Variants in CPEB3 observed in about 807,000 individuals in gnomAD.
The protein encoded by CPEB3 is cytoplasmic polyadenylation element-binding protein 3.
CPEB3 carries 20 observed loss-of-function variants against 67.2 expected under a neutral mutation model. That is an observed-to-expected ratio of 0.30 (90% CI 0.21 to 0.43). The LOEUF is 0.43. Ranked by LOEUF, CPEB3 falls within the 20% of genes least tolerant of loss-of-function variation. The probability of loss-of-function intolerance (pLI) is 1.00; values close to 1 mark genes in which losing one functional copy is unlikely to be tolerated. For missense variants in CPEB3, 746 were observed against 968.6 expected (o/e 0.77, Z 3.05); for synonymous variants, 376 against 393.1 (o/e 0.96, Z 0.51).
chr10:92,059,952 CAAA>C (rs557616121), intron 9 of CPEB3, among the ~76,000 whole-genome samples: 2 of 60,806 alleles, frequency 3.3e-5, no homozygotes, highest in African/African-American at 5.0e-5. Context: ...CGAGACTCCT[CAAA>C]AAAAAAAAAA....
rs557210665 is a variant in CPEB3 at position 92,111,861 on chromosome 10, C to A, written c.1454-667G>T. ...TTGTTGACACACAAACACACACACA[C>A]AAAAAGCTTCAAAAAAGTTTTTAAA... On this transcript the variant is annotated intron_variant, in intron 6 of 9. Coordinates refer to ENST00000265997, the MANE Select transcript of CPEB3 (RefSeq NM_014912.5). 4.3e-4 allele frequency among the ~76,000 whole-genome samples: 66 copies of A among 152,224 alleles called. No homozygotes were observed. In the South Asian group the frequency reaches 0.013, roughly 29 times the overall value.
chr10:92,112,252 C>T (rs1055122105), intron 6 of CPEB3, among the ~76,000 whole-genome samples: 3 of 148,878 alleles, frequency 2.0e-5, no homozygotes, highest in Admixed American at 6.9e-5. Flanking sequence ...TCAAGCAGTT[C>T]GTGTGCCTCA....
Position 92,110,623 on chromosome 10 carries a change from C to T in CPEB3, c.1572+453G>A, listed in dbSNP as rs578191304. ...AACTATCCATTTTAGAGTGTAAGCTCCTGACCCAGAAGGCTCTATTTAACT... is the reference window on the plus strand; with the variant it reads ...AACTATCCATTTTAGAGTGTAAGCTTCTGACCCAGAAGGCTCTATTTAACT... On this transcript the variant is annotated intron_variant, in intron 7 of 9. Coordinates refer to ENST00000265997, the MANE Select transcript of CPEB3 (RefSeq NM_014912.5). Among the ~76,000 whole-genome samples, 6 of 152,338 alleles carry T rather than the reference C, an allele frequency of 3.9e-5. No homozygotes were observed. The East Asian group carries it at 9.6e-4, about 24-fold the overall frequency.
chr10:92,181,367 C>CAAAAAAAAAAAAAAA (rs55896574), intron 3 of CPEB3, among the ~76,000 whole-genome samples: 1 of 95,404 alleles, frequency 1.0e-5, no homozygotes, highest in Non-Finnish European at 2.1e-5. Flanking sequence ...ATTCAAGCAG[C>CAAAAAAAAAAAAAAA]AAAAAAAAAA....
At chr10:92,152,318 C>T (rs1444657986) in intron 4 of CPEB3, among the ~76,000 whole-genome samples, 6 of 152,178 alleles carry the variant, frequency 3.9e-5, no homozygotes, top group Admixed American at 6.5e-5. Context: ...CAGCCCTAGG[C>T]GACCACTAAT....
intron 1 of CPEB3, among the ~76,000 whole-genome samples, chr10:92,289,718 C>CAAAAAAAAAAAAAAAAAAAAAAAAAA (rs749285662): frequency 3.2e-5 from 1 of 30,960 alleles, no homozygotes; most frequent in Non-Finnish European, 4.7e-5. Context: ...GCGTCTCTAC[C>CAAAAAAAAAAAAAAAAAAAAAAAAAA]AAAAAAAAAA....
At chr10:92,069,473 G>A (rs1437541541) in intron 9 of CPEB3, among the ~76,000 whole-genome samples, 8 of 151,640 alleles carry the variant, frequency 5.3e-5, no homozygotes, top group Non-Finnish European at 8.8e-5. Flanking sequence ...GTGTGATCTC[G>A]GCTCACTGCA....
intron 2 of CPEB3, among the ~76,000 whole-genome samples, chr10:92,195,044 AAAAC>A (rs369479031): frequency 0.027 from 2,032 of 74,504 alleles, 27 homozygotes; most frequent in Middle Eastern, 0.12. Context: ...ACTGTCTCAA[AAAAC>A]ACACACACAC....
chr10:92,069,112 T>C (rs756835728), intron 9 of CPEB3, among the ~76,000 whole-genome samples: 6 of 152,222 alleles, frequency 3.9e-5, no homozygotes, highest in Admixed American at 2.6e-4. Context: ...AGTCATTGTA[T>C]ATATTCCTGC....
intron 2 of CPEB3, among the ~76,000 whole-genome samples, chr10:92,215,338 G>A (rs886316503): frequency 2.7e-5 from 4 of 150,556 alleles, no homozygotes; most frequent in Non-Finnish European, 4.4e-5. Flanking sequence ...ATTTTTAGTA[G>A]AGATGGGGTT....
intron 2 of CPEB3, among the ~76,000 whole-genome samples, chr10:92,203,441 T>C (rs193269913): frequency 0.011 from 1,506 of 138,402 alleles, 19 homozygotes; most frequent in African/African-American, 0.044. Context: ...TATATGTATA[T>C]GTATATATAT....
chr10:92,097,911 C>T (rs988673647), intron 7 of CPEB3, among the ~76,000 whole-genome samples: 3 of 151,980 alleles, frequency 2.0e-5, no homozygotes, highest in Admixed American at 6.6e-5. Context: ...CCTGTAATCC[C>T]AGCACTTTGG....
intron 2 of CPEB3, among the ~76,000 whole-genome samples, chr10:92,232,319 T>C (rs1055315065): frequency 1.3e-5 from 2 of 151,816 alleles, no homozygotes; most frequent in African/African-American, 4.8e-5. Context: ...CCTCCCAAAG[T>C]GCTGGGATTA....
At chr10:92,095,329 G>A (rs1406103236) in intron 7 of CPEB3, among the ~76,000 whole-genome samples, 4 of 152,098 alleles carry the variant, frequency 2.6e-5, no homozygotes, top group Non-Finnish European at 4.4e-5. Flanking sequence ...GCTCAGAGCT[G>A]TCACCTCTGC....
chr10:92,069,968 C>T (rs1227076859), intron 9 of CPEB3, among the ~76,000 whole-genome samples: 2 of 152,134 alleles, frequency 1.3e-5, no homozygotes, highest in East Asian at 3.9e-4. Context: ...CATGCAGTTG[C>T]TATTTCCTTG....
chr10:92,214,048 A>C (rs900016714), intron 2 of CPEB3, among the ~76,000 whole-genome samples: 7 of 152,064 alleles, frequency 4.6e-5, no homozygotes, highest in Non-Finnish European at 1.0e-4. Flanking sequence ...ACACACAACC[A>C]TTTTCATTTT....
intron 1 of CPEB3, among the ~76,000 whole-genome samples, chr10:92,261,040 C>T (rs1852775382): frequency 1.3e-5 from 2 of 152,182 alleles, no homozygotes; most frequent in South Asian, 4.1e-4. Context: ...GCCTTAACAG[C>T]CAGTAGCTAG....
At chr10:92,054,386 A>T (rs1380509536) in intron 9 of CPEB3, among the ~76,000 whole-genome samples, 2 of 152,172 alleles carry the variant, frequency 1.3e-5, no homozygotes, top group Non-Finnish European at 2.9e-5. Flanking sequence ...AAGACTGATA[A>T]CTATTTCTCA....
At chr10:92,226,489 T>C (rs1477111321) in intron 2 of CPEB3, among the ~76,000 whole-genome samples, 1 of 152,212 alleles carries the variant, frequency 6.6e-6, no homozygotes, top group African/African-American at 2.4e-5. Flanking sequence ...GACCAATAAA[T>C]GCCTAATCAG....
Sources: gnomAD v4.1 joint callset for allele counts (sites outside exome capture counted in the v4.1 genomes callset) on GRCh38, gnomAD v4.1.1 for gene constraint, MANE v1.5 for transcripts, NCBI Gene and HGNC (gene_info 2026-07-23, HGNC 2026-07-21) for gene names.